CDC14B: variants seen among roughly 807,000 people sequenced by gnomAD.
CDC14B encodes cell division cycle 14B, also known as dual specificity protein phosphatase CDC14B.
A neutral mutation model predicts 64.2 loss-of-function variants in CDC14B; 22 were observed. That is an observed-to-expected ratio of 0.34 (90% confidence interval 0.24 to 0.49). CDC14B has a LOEUF of 0.49. Among genes scored for constraint, CDC14B ranks in the 20% least tolerant of loss-of-function variants. CDC14B has a pLI of 0.99. For missense variants in CDC14B, 498 were observed against 629.9 expected (o/e 0.79, Z 2.24); for synonymous variants, 191 against 215.8 (o/e 0.89, Z 1.01).
At chr9:96,577,668 T>C (rs1296407173) in intron 1 of CDC14B, among the ~76,000 whole-genome samples, 1 of 152,128 alleles carries the variant, frequency 6.6e-6, no homozygotes, top group Non-Finnish European at 1.5e-5. Flanking sequence ...TCTCCCTCTA[T>C]CCTGCAGCAT....
At chr9:96,551,737 C>A (rs901245758) in intron 5 of CDC14B, 59 bp downstream of exon 5, 1 of 1,580,334 alleles carries the variant, frequency 6.3e-7, no homozygotes, top group South Asian at 1.2e-5. Flanking sequence ...AAACAACTAT[C>A]AAGATATTTC....
chr9:96,536,941 C>A (rs1261902571), intron 7 of CDC14B, among the ~76,000 whole-genome samples: 2 of 152,258 alleles, frequency 1.3e-5, no homozygotes, highest in East Asian at 3.9e-4. Flanking sequence ...AAACATAGAA[C>A]ACACCTGTGG....
At chr9:96,578,108 G>C (rs1329278492) in intron 1 of CDC14B, among the ~76,000 whole-genome samples, 2 of 152,146 alleles carry the variant, frequency 1.3e-5, no homozygotes, top group African/African-American at 4.8e-5. Context: ...TGTGATACTG[G>C]AGCCAACCTG....
chr9:96,531,959 C>T (rs1587845694), intron 9 of CDC14B, among the ~76,000 whole-genome samples: 1 of 152,166 alleles, frequency 6.6e-6, no homozygotes, highest in East Asian at 1.9e-4. Flanking sequence ...TGATTAAAAA[C>T]TCCCTTTTAA....
rs376941789 is a variant in CDC14B, at chr9:96,501,845, C to T, written c.*1908G>A. 6.6e-6 allele frequency: 1 copy of T among 152,088 alleles called. No homozygotes were observed. The highest frequency in any genetic ancestry group is 1.5e-5 in the Non-Finnish European group (1 of 68,044). 9.4% of individuals were successfully genotyped at this position (152,088 alleles called of 1,614,324 possible). A position where few individuals can be genotyped will look rare whatever the true frequency, so the allele number is the denominator to read the frequency against. On this transcript the variant is annotated 3_prime_UTR_variant, in exon 14 of 14. Coordinates refer to ENST00000375241, the MANE Select transcript of CDC14B (RefSeq NM_033331.4). ...GTACTCACAAGAGCTGTGGCGCCTA[C>T]GTTTACTTGTTCTGATGGGATGAAA...
At chr9:96,529,472 T>A (rs1838089405) in intron 9 of CDC14B, among the ~76,000 whole-genome samples, 1 of 151,514 alleles carries the variant, frequency 6.6e-6, no homozygotes, top group Non-Finnish European at 1.5e-5. Flanking sequence ...TCTTGATTGA[T>A]GTAGCTTTGT....
At position 96,564,276 on chromosome 9, in the gene CDC14B, T is replaced by C. The variant is rs147018097; in HGVS notation, c.327+501A>G. Among the ~76,000 whole-genome samples the C allele has an allele frequency of 3.4e-4, 52 of 152,306 alleles. No homozygotes were observed. In the East Asian group the frequency reaches 8.9e-3, roughly 26 times the overall value. On this transcript the variant is annotated intron_variant, in intron 3 of 13. Transcript: ENST00000375241. ...CAGTAATACAGCCTTAATGACATGCTTATTTGCCCTAGATTCTCACGCCCC... is the reference window on the plus strand; with the variant it reads ...CAGTAATACAGCCTTAATGACATGCCTATTTGCCCTAGATTCTCACGCCCC...
In CDC14B at chr9:96,502,574, ATTCTT is replaced by A. The variant is rs1290517105; in HGVS notation, c.*1174_*1178del. On this transcript the variant is annotated 3_prime_UTR_variant, in exon 14 of 14. Transcript: ENST00000375241. ...GAAGGAACTGAGGTGAGTACTATAT[ATTCTT>A]TTATTTCGGGCCCCATTTTTTTTTT... The A allele has an allele frequency of 3.8e-6, 1 of 261,382 alleles. No individual in the cohort carries two copies. Among genetic ancestry groups the A allele is most frequent in the African/African-American group, 2.5e-5 (1 of 39,992 alleles). The allele number at this position is 261,382 out of a possible 1,614,324, so 16.2% of individuals were successfully genotyped here.
At chr9:96,554,494 G>C (rs1842244332) in intron 4 of CDC14B, among the ~76,000 whole-genome samples, 1 of 152,070 alleles carries the variant, frequency 6.6e-6, no homozygotes, top group Non-Finnish European at 1.5e-5. Context: ...CTGTGGTTTA[G>C]CCTTGGAACA....
At position 96,522,505 on chromosome 9, in the gene CDC14B, C is replaced by A; in HGVS notation, c.1343+1G>T. The A allele has an allele frequency of 6.2e-7, 1 of 1,600,560 alleles. No individual in the cohort carries two copies. The highest frequency in any genetic ancestry group is 8.6e-7 in the Non-Finnish European group (1 of 1,167,660). On this transcript the variant is annotated splice_donor_variant, in intron 12 of 13. Transcript: ENST00000375241. LOFTEE classifies it high-confidence loss of function. ...ACCACAACAAAGGAACCCAGACTCA[C>A]GTGAGAGGAATAGCGTTTGTTTTGG...
At chr9:96,544,511 T>C (rs1411972455) in intron 5 of CDC14B, among the ~76,000 whole-genome samples, 1 of 152,170 alleles carries the variant, frequency 6.6e-6, no homozygotes, top group Non-Finnish European at 1.5e-5. Context: ...TTTTCTTTTT[T>C]TGAGACACGG....
chr9:96,615,272 T>G (rs150703237), intron 1 of CDC14B, among the ~76,000 whole-genome samples: 1 of 152,074 alleles, frequency 6.6e-6, no homozygotes, highest in Non-Finnish European at 1.5e-5. Context: ...GTGGATGGGG[T>G]TGGAATGAGA....
chr9:96,564,895 C>T (rs1204510348), intron 2 of CDC14B, 43 bp from the exon 3 acceptor site: 18 of 1,312,956 alleles, frequency 1.4e-5, no homozygotes, highest in Middle Eastern at 1.8e-4. Context: ...ATTCTAGATG[C>T]TCTGAATATA....
At chr9:96,495,067 C>T (rs1463889435) in intron 13 of CDC14B, among the ~76,000 whole-genome samples, 1 of 151,882 alleles carries the variant, frequency 6.6e-6, no homozygotes, top group East Asian at 2.0e-4. Flanking sequence ...ATCTCCTGAC[C>T]TCATGATCCA....
intron 8 of CDC14B, 68 bp from the exon 9 acceptor site, chr9:96,534,225 T>C (rs1250037733): frequency 1.0e-6 from 1 of 959,536 alleles, no homozygotes; most frequent in Non-Finnish European, 1.6e-6. Context: ...GTTTCACCTG[T>C]AACTGAACGG....
chr9:96,525,905 G>A (rs537958098), intron 9 of CDC14B, among the ~76,000 whole-genome samples: 30 of 152,262 alleles, frequency 2.0e-4, no homozygotes, highest in Admixed American at 1.7e-3. Flanking sequence ...ATAAATTTGA[G>A]GGGGGCCAGA....
At chr9:96,495,983 T>A (rs188034838), downstream of CDC14B, among the ~76,000 whole-genome samples, 5 of 152,318 alleles carry the variant, frequency 3.3e-5, no homozygotes, top group East Asian at 7.7e-4. Flanking sequence ...TGCGAACTTT[T>A]CTGGGGAGAT....
rs889542872 is a variant in CDC14B at position 96,619,659 on chromosome 9, C to T, written c.-281G>A. The T allele has an allele frequency of 2.0e-5, 3 of 147,932 alleles. No homozygotes were observed. The highest frequency in any genetic ancestry group is 4.5e-5 in the Non-Finnish European group (3 of 66,416). The allele number at this position is 147,932 out of a possible 1,614,324, so 9.2% of individuals were successfully genotyped here. A position where few individuals can be genotyped will look rare whatever the true frequency, so the allele number is the denominator to read the frequency against. On this transcript the variant is annotated 5_prime_UTR_variant, in exon 1 of 14. Coordinates refer to ENST00000375241, the MANE Select transcript of CDC14B (RefSeq NM_033331.4). ...CCTGCCGCGGCCGGCGCCCCCAGCCCGCCCCCAGGTGCCCGCAGCCGGCTG... is the reference window on the plus strand; with the variant it reads ...CCTGCCGCGGCCGGCGCCCCCAGCCTGCCCCCAGGTGCCCGCAGCCGGCTG...
intron 1 of CDC14B, among the ~76,000 whole-genome samples, chr9:96,609,850 T>C (rs1190342604): frequency 6.6e-6 from 1 of 152,224 alleles, no homozygotes; most frequent in African/African-American, 2.4e-5. Context: ...GGTATAAAAC[T>C]GAACTACCTG....
Sources: gnomAD v4.1 joint callset for allele counts (sites outside exome capture counted in the v4.1 genomes callset) on GRCh38, gnomAD v4.1.1 for gene constraint, MANE v1.5 for transcripts, NCBI Gene and HGNC (gene_info 2026-07-23, HGNC 2026-07-21) for gene names.